The following SND1 variants were observed in gnomAD, a reference collection of about 807,000 sequenced individuals.
SND1 encodes staphylococcal nuclease domain-containing protein 1.
In SND1, 38 loss-of-function variants were observed where a neutral mutation model predicts 121.7. The ratio of observed to expected loss-of-function variants is 0.31; its 90% CI spans 0.24 to 0.41. SND1 has a LOEUF of 0.41. Ranked by LOEUF, SND1 falls within the 10% of genes least tolerant of loss-of-function variation. SND1 has a pLI of 1.00. For missense variants in SND1, 868 were observed against 1,184.6 expected (o/e 0.73, Z 3.92); for synonymous variants, 401 against 447.4 (o/e 0.90, Z 1.31).
chr7:127,951,345 A>G (rs1801458735), intron 15 of SND1, among the ~76,000 whole-genome samples: 1 of 152,232 alleles, frequency 6.6e-6, no homozygotes, highest in South Asian at 2.1e-4. Flanking sequence ...GCATGATTCC[A>G]GTTACGCGAG....
intron 10 of SND1, among the ~76,000 whole-genome samples, chr7:127,735,157 C>G (rs976510381): frequency 3.5e-4 from 54 of 152,252 alleles, no homozygotes; most frequent in African/African-American, 1.2e-3. Flanking sequence ...GGTTCCTTCT[C>G]TGGTAAGTGG....
intron 12 of SND1, among the ~76,000 whole-genome samples, chr7:127,863,603 C>CT (rs1234341604): frequency 3.3e-5 from 5 of 152,046 alleles, no homozygotes; most frequent in East Asian, 3.9e-4. Flanking sequence ...CAATAGCTAA[C>CT]TTTTTTTTAC....
intron 10 of SND1, among the ~76,000 whole-genome samples, chr7:127,734,703 T>G (rs1796742522): frequency 6.6e-6 from 1 of 152,158 alleles, no homozygotes; most frequent in South Asian, 2.1e-4. Flanking sequence ...AGGTTTAGTG[T>G]TAGCGGACGA....
chr7:127,772,601 T>A (rs1797534407), intron 10 of SND1, among the ~76,000 whole-genome samples: 1 of 152,222 alleles, frequency 6.6e-6, no homozygotes, highest in Non-Finnish European at 1.5e-5. Context: ...CAATATCTCA[T>A]CTGTGCTGCC....
At chr7:128,023,671 T>C (rs1263177188) in intron 16 of SND1, among the ~76,000 whole-genome samples, 1 of 152,248 alleles carries the variant, frequency 6.6e-6, no homozygotes, top group Non-Finnish European at 1.5e-5. Flanking sequence ...CTCTGACTTC[T>C]AGATCATCAT....
rs1199766263 is a variant in SND1 at position 128,085,070 on chromosome 7, G to T, written c.2234+223G>T. On this transcript the variant is annotated intron_variant, in intron 19 of 23. Coordinates refer to ENST00000354725, the MANE Select transcript of SND1 (RefSeq NM_014390.4). The surrounding 1 kb of genome is among the most constrained non-coding windows in gnomAD (Gnocchi z 4.4). ...GCCAGACAGAAGTGGCTCCTTCCTT[G>T]TCTCCTGGGGGATTCCAGGGTGGGA... Among the ~76,000 whole-genome samples the T allele has an allele frequency of 6.6e-6, 1 of 152,160 alleles. No individual in the cohort carries two copies. Among genetic ancestry groups the T allele is most frequent in the Non-Finnish European group, 1.5e-5 (1 of 68,008 alleles).
At chr7:127,990,886 A>G in intron 15 of SND1, 61 bp from the exon 16 acceptor site, 1 of 1,205,462 alleles carries the variant, frequency 8.3e-7, no homozygotes. Flanking sequence ...GACCGTCCTT[A>G]TTGGACAGCA....
chr7:127,970,559 GTT>G (rs1360510118), intron 15 of SND1, among the ~76,000 whole-genome samples: 1 of 151,496 alleles, frequency 6.6e-6, no homozygotes, highest in African/African-American at 2.4e-5. Flanking sequence ...TCTTTCTCAA[GTT>G]TTTTTTTAAG....
Position 128,040,437 on chromosome 7 carries a change from T to TAAAAA in SND1, c.1780-34040_1780-34036dup, listed in dbSNP as rs67595921. Among the ~76,000 whole-genome samples, 222 of 32,872 alleles carry TAAAAA rather than the reference T, an allele frequency of 6.8e-3. 5 individuals carry two copies. The highest frequency in any genetic ancestry group is 7.7e-3 in the African/African-American group (64 of 8,274). The allele number at this position is 32,872 out of a possible 152,430, so 21.6% of individuals were successfully genotyped here. On this transcript the variant is annotated intron_variant, in intron 16 of 23. Coordinates refer to ENST00000354725, the MANE Select transcript of SND1 (RefSeq NM_014390.4). ...ATCAAACAGAGCAAGGTCCTATCTT[T>TAAAAA]AAAAAAAAAAAAAAAAAAAAAAAAA...
chr7:127,838,516 T>C (rs1326006794), intron 11 of SND1, among the ~76,000 whole-genome samples: 3 of 152,216 alleles, frequency 2.0e-5, no homozygotes, highest in African/African-American at 2.4e-5. Context: ...AGTTAACCTA[T>C]TATTTGAGAT....
chr7:127,993,951 G>C (rs1051893984), intron 16 of SND1, among the ~76,000 whole-genome samples: 3 of 152,236 alleles, frequency 2.0e-5, no homozygotes, highest in Non-Finnish European at 4.4e-5. Context: ...AACGGTGACT[G>C]CCTCTAGGCC....
chr7:127,888,041 G>A lies in SND1; in HGVS notation c.1454+29G>A, dbSNP rs1279565858. ...AGACCAAACATTACTAAACACATGG[G>A]GAACCCACACCCTCACTTTTTTCTT... is the stretch of plus-strand genomic sequence containing the variant. On this transcript the variant is annotated intron_variant, in intron 13 of 23. Coordinates refer to ENST00000354725, the MANE Select transcript of SND1 (RefSeq NM_014390.4). 6.0e-6 allele frequency: 9 copies of A among 1,500,058 alleles called. 1 individual carries two copies. The South Asian group carries it at 6.8e-5, about 11-fold the overall frequency. The allele number at this position is 1,500,058 out of a possible 1,614,324, so 92.9% of individuals were successfully genotyped here.
intron 3 of SND1, among the ~76,000 whole-genome samples, chr7:127,697,569 T>C (rs1796028478): frequency 6.6e-6 from 1 of 152,176 alleles, no homozygotes; most frequent in Non-Finnish European, 1.5e-5. Flanking sequence ...TCCTGTTGCT[T>C]GGAAGAACCA....
chr7:127,977,258 A>C (rs554922855), intron 15 of SND1, among the ~76,000 whole-genome samples: 1 of 152,240 alleles, frequency 6.6e-6, no homozygotes, highest in Non-Finnish European at 1.5e-5. Flanking sequence ...AGGTTTAAAG[A>C]AGAAAGAAAA....
At chr7:128,030,782 C>G (rs1261080189) in intron 16 of SND1, 2 of 1,075,970 alleles carry the variant, frequency 1.9e-6, no homozygotes, top group East Asian at 2.8e-5. Context: ...AGAGACGGAG[C>G]GGATCGGCCG....
chr7:127,738,424 A>G (rs1201676291), intron 10 of SND1, among the ~76,000 whole-genome samples: 1 of 151,462 alleles, frequency 6.6e-6, no homozygotes, highest in African/African-American at 2.4e-5. Flanking sequence ...TATTACAGGC[A>G]CCTGCCACCA....
rs1361894854 is a variant in SND1, at chr7:127,878,252, C to T, written c.1344-9650C>T. Among the ~76,000 whole-genome samples the T allele has an allele frequency of 4.6e-5, 7 of 152,170 alleles. 1 individual carries two copies. The highest frequency in any genetic ancestry group is 1.3e-4 in the Admixed American group (2 of 15,284). On this transcript the variant is annotated intron_variant, in intron 12 of 23. Coordinates refer to ENST00000354725, the MANE Select transcript of SND1 (RefSeq NM_014390.4). ...TCCAGTATCTAGAAAATGCTCTCAACTCTCAGTTGTATTTACGATCACAGA... is the reference window on the plus strand; with the variant it reads ...TCCAGTATCTAGAAAATGCTCTCAATTCTCAGTTGTATTTACGATCACAGA...
At chr7:127,782,115 A>G (rs1219853213) in intron 10 of SND1, among the ~76,000 whole-genome samples, 1 of 152,164 alleles carries the variant, frequency 6.6e-6, no homozygotes, top group Non-Finnish European at 1.5e-5. Flanking sequence ...GATCCTCAGT[A>G]ACTATTCTTA....
chr7:127,811,005 A>G (rs928496981), intron 11 of SND1, among the ~76,000 whole-genome samples: 8 of 151,844 alleles, frequency 5.3e-5, no homozygotes, highest in African/African-American at 1.4e-4. Flanking sequence ...GTAGATGCTC[A>G]TTGTAAACTG....
Sources: allele counts gnomAD v4.1 joint callset (sites outside exome capture counted in the v4.1 genomes callset), GRCh38; gene constraint gnomAD v4.1.1; non-coding constraint Gnocchi (gnomAD v3.1); transcripts MANE v1.5; gene names NCBI Gene and HGNC (gene_info 2026-07-23, HGNC 2026-07-21).